ACSM3: variants seen among roughly 807,000 people sequenced by gnomAD.
ACSM3 encodes acyl-coenzyme A synthetase ACSM3, mitochondrial.
A neutral mutation model predicts 74.1 loss-of-function variants in ACSM3; 61 were observed. That is an observed-to-expected ratio of 0.82 (90% CI 0.67 to 1.02). The LOEUF (loss-of-function observed/expected upper bound fraction) is 1.02, where lower values mean the gene tolerates loss of function less well. Ranked by LOEUF, ACSM3 falls within the 50% of genes least tolerant of loss-of-function variation. The pLI is 0.00. For missense variants in ACSM3, 660 were observed against 697.0 expected, an observed-to-expected ratio of 0.95 and a Z score of 0.60; for synonymous variants, 213 against 241.5, an observed-to-expected ratio of 0.88 and a Z score of 1.09.
rs114412068 is a variant in ACSM3, at chr16:20,791,655, G to A, written c.1327-347G>A. On this transcript the variant is annotated intron_variant, in intron 10 of 13. Transcript: ENST00000289416. ...AAAAATCCAATTGAGGGCCAGGAGCGGTGGCTTATGCCTGTAATCTCAGCA... is the reference window on the plus strand; with the variant it reads ...AAAAATCCAATTGAGGGCCAGGAGCAGTGGCTTATGCCTGTAATCTCAGCA... Among the ~76,000 whole-genome samples, 560 of 152,182 alleles carry A rather than the reference G, an allele frequency of 3.7e-3. 3 individuals carry two copies. Among genetic ancestry groups the A allele is most frequent in the African/African-American group, 0.012 (515 of 41,522 alleles).
intron 1 of ACSM3, chr16:20,729,214 C>A: frequency 1.3e-6 from 1 of 792,914 alleles, no homozygotes; most frequent in South Asian, 1.4e-5. Flanking sequence ...CCCCAAATGT[C>A]ATCTTTGATT....
intron 1 of ACSM3, among the ~76,000 whole-genome samples, chr16:20,699,887 T>C (rs1404713613): frequency 6.6e-6 from 1 of 152,156 alleles, no homozygotes; most frequent in East Asian, 1.9e-4. Context: ...CTCCAAACAT[T>C]CTATGTGTGC....
chr16:20,759,749 G>C (rs532259886), upstream of ACSM3, among the ~76,000 whole-genome samples: 43 of 152,108 alleles, frequency 2.8e-4, no homozygotes, highest in Non-Finnish European at 6.2e-4. Flanking sequence ...ATAATAAATG[G>C]GTTGATGTAA....
intron 1 of ACSM3, among the ~76,000 whole-genome samples, chr16:20,730,434 A>G (rs1002080819): frequency 3.3e-4 from 50 of 152,152 alleles, no homozygotes; most frequent in African/African-American, 1.2e-3. Flanking sequence ...GAAGAAGCCC[A>G]ATTTTCCTAA....
At chr16:20,740,501 AAT>A (rs2079907745) in intron 1 of ACSM3, among the ~76,000 whole-genome samples, 1 of 152,242 alleles carries the variant, frequency 6.6e-6, no homozygotes, top group South Asian at 2.1e-4. Context: ...CAGGCACAAT[AAT>A]AATTGTATAC....
At chr16:20,729,255 C>T (rs912550195) in intron 1 of ACSM3, 25 of 1,130,360 alleles carry the variant, frequency 2.2e-5, no homozygotes, top group African/African-American at 1.1e-4. Flanking sequence ...ACTGCTGCCA[C>T]GGTAAGGGGA....
At chr16:20,736,378 T>TAA (rs33947944) in intron 1 of ACSM3, 21,243 of 128,968 alleles carry the variant, frequency 0.16, 1,841 homozygotes, top group East Asian at 0.29. Context: ...ACACAAATGT[T>TAA]AAAAAAAAAA....
intron 2 of ACSM3, among the ~76,000 whole-genome samples, chr16:20,775,205 G>A (rs2080241363): frequency 6.6e-6 from 1 of 152,132 alleles, no homozygotes; most frequent in African/African-American, 2.4e-5. Context: ...TTGGCCCCAG[G>A]GCAAGATGTA....
At chr16:20,779,434 AAAAAAG>A (rs1424300030) in intron 4 of ACSM3, among the ~76,000 whole-genome samples, 9 of 151,604 alleles carry the variant, frequency 5.9e-5, no homozygotes, top group Non-Finnish European at 7.4e-5. Flanking sequence ...TCAAAAAAAA[AAAAAAG>A]AAAAGAAAAG....
intron 3 of ACSM3, among the ~76,000 whole-genome samples, chr16:20,758,187 T>C (rs1347952602): frequency 6.6e-6 from 1 of 152,244 alleles, no homozygotes; most frequent in Non-Finnish European, 1.5e-5. Flanking sequence ...TTTCTATTGT[T>C]GGAATAGTTT....
chr16:20,687,416 T>C (rs929682555), intron 1 of ACSM3, among the ~76,000 whole-genome samples: 2 of 152,058 alleles, frequency 1.3e-5, no homozygotes, highest in African/African-American at 4.8e-5. Flanking sequence ...CAAGGAAAGA[T>C]AAATGCTAGA....
intron 1 of ACSM3, chr16:20,737,408 G>A: frequency 1.0e-6 from 1 of 998,906 alleles, no homozygotes; most frequent in Non-Finnish European, 1.4e-6. Flanking sequence ...TCTTCTATGT[G>A]GACTTCAAAT....
intron 1 of ACSM3, chr16:20,736,445 T>C (rs1199579383): frequency 6.5e-6 from 1 of 153,218 alleles, no homozygotes; most frequent in African/African-American, 2.4e-5. Flanking sequence ...CACTAAACAA[T>C]TCACTTCTAA....
At chr16:20,766,861 G>A (rs1053957823) in intron 1 of ACSM3, among the ~76,000 whole-genome samples, 2 of 152,214 alleles carry the variant, frequency 1.3e-5, no homozygotes, top group Non-Finnish European at 2.9e-5. Flanking sequence ...GGGCAGAATA[G>A]TGTGTATTCT....
At position 20,782,046 on chromosome 16, in the gene ACSM3, A is replaced by T. The variant is rs2080364209; in HGVS notation, c.1019+259A>T. On this transcript the variant is annotated intron_variant, in intron 7 of 13. Transcript: ENST00000289416. ...AAGCCCAGTGGTTATGGGTAAGAAG[A>T]TGGTAAATCTTTTGGATGATGGCTT... Among the ~76,000 whole-genome samples the T allele has an allele frequency of 2.0e-5, 3 of 152,158 alleles. No homozygotes were observed. The South Asian group carries it at 6.2e-4, about 32-fold the overall frequency.
At chr16:20,788,041 T>C (rs894298928) in intron 9 of ACSM3, among the ~76,000 whole-genome samples, 2 of 152,190 alleles carry the variant, frequency 1.3e-5, no homozygotes, top group African/African-American at 4.8e-5. Flanking sequence ...TAGTACATAA[T>C]AAAGGTCCAA....
intron 2 of ACSM3, among the ~76,000 whole-genome samples, chr16:20,755,022 T>G (rs1358417014): frequency 6.6e-6 from 1 of 152,098 alleles, no homozygotes; most frequent in Non-Finnish European, 1.5e-5. Flanking sequence ...AACAGGCCAG[T>G]GTCCATAGAG....
chr16:20,775,918 TGGGA>T lies in ACSM3; in HGVS notation c.300_303del (p.Gly101LeufsTer22). On this transcript the variant is annotated frameshift_variant, in exon 3 of 14. Coordinates refer to ENST00000289416, the MANE Select transcript of ACSM3 (RefSeq NM_005622.4). LOFTEE classifies it high-confidence loss of function. ...GAGATGCGATGGAGTTTTGAGGAACTGGGATCTCTGTCCAGAAAATTTGCCAATA... is the reference window on the plus strand; with the variant it reads ...GAGATGCGATGGAGTTTTGAGGAACTTCTCTGTCCAGAAAATTTGCCAATA... The T allele has an allele frequency of 6.2e-7, 1 of 1,614,214 alleles. No individual in the cohort carries two copies. Among genetic ancestry groups the T allele is most frequent in the Non-Finnish European group, 8.5e-7 (1 of 1,180,028 alleles).
chr16:20,775,901 A>G lies in ACSM3; in HGVS notation c.282A>G (p.Arg94=). The G allele has an allele frequency of 6.2e-7, 1 of 1,614,166 alleles. No homozygotes were observed. Among genetic ancestry groups the G allele is most frequent in the Non-Finnish European group, 8.5e-7 (1 of 1,180,028 alleles). Residue 94 remains arginine (R), a synonymous_variant, in exon 3 of 14, where the codon CGA becomes CGG. Coordinates refer to ENST00000289416, the MANE Select transcript of ACSM3 (RefSeq NM_005622.4). ...WWINRNGEEM[R]WSFEELGSLS... is the part of the protein sequence containing the mutation. ...TCAACAGAAATGGAGAAGAGATGCG[A>G]TGGAGTTTTGAGGAACTGGGATCTC...
Sources: gnomAD v4.1 joint callset for allele counts (sites outside exome capture counted in the v4.1 genomes callset) on GRCh38, gnomAD v4.1.1 for gene constraint, MANE v1.5 for transcripts, NCBI Gene and HGNC (gene_info 2026-07-23, HGNC 2026-07-21) for gene names.